LRRTM3: variants seen among roughly 807,000 people sequenced by gnomAD.
LRRTM3 encodes leucine rich repeat transmembrane neuronal 3, also known as leucine-rich repeat transmembrane neuronal protein 3.
In LRRTM3, 24 loss-of-function variants were observed where a neutral mutation model predicts 44.7. The observed-to-expected ratio is 0.54, with a 90% CI of 0.39 to 0.76. The LOEUF (loss-of-function observed/expected upper bound fraction) is 0.76, where lower values mean the gene tolerates loss of function less well. Ranked by LOEUF, LRRTM3 falls within the 30% of genes least tolerant of loss-of-function variation. LRRTM3 has a pLI of 0.00. For missense variants in LRRTM3, 587 were observed against 702.2 expected, an observed-to-expected ratio of 0.84 and a Z score of 1.85; for synonymous variants, 277 against 278.7, an observed-to-expected ratio of 0.99 and a Z score of 0.06.
chr10:67,090,912 C>A (rs1024651931), intron 2 of LRRTM3, among the ~76,000 whole-genome samples: 2 of 151,974 alleles, frequency 1.3e-5, no homozygotes, highest in African/African-American at 4.8e-5. Flanking sequence ...CACTATTTAT[C>A]TCATATAGCA....
Position 66,928,422 on chromosome 10 carries a change from C to T in LRRTM3, c.1506C>T (p.Thr502=). 1 of 1,611,068 alleles carries T rather than the reference C, an allele frequency of 6.2e-7. No individual in the cohort carries two copies. The highest frequency in any genetic ancestry group is 8.5e-7 in the Non-Finnish European group (1 of 1,179,050). ...TGCTGAATGGGACGGGACCCTGCAC[C>T]TATAACAAATCGGGCTCCAGGGAGT... ...EMLLNGTGPC[T]YNKSGSRECE... Residue 502 remains threonine, a synonymous_variant, in exon 2 of 3, where the codon ACC becomes ACT. Coordinates refer to ENST00000361320, the MANE Select transcript of LRRTM3 (RefSeq NM_178011.5).
chr10:67,094,878 C>T (rs1194580803), intron 2 of LRRTM3, among the ~76,000 whole-genome samples: 1 of 151,446 alleles, frequency 6.6e-6, no homozygotes, highest in Non-Finnish European at 1.5e-5. Context: ...GGTATGTATA[C>T]TATATTTACA....
intron 2 of LRRTM3, among the ~76,000 whole-genome samples, chr10:67,014,988 A>C (rs923403009): frequency 6.6e-6 from 1 of 152,122 alleles, no homozygotes; most frequent in Non-Finnish European, 1.5e-5. Flanking sequence ...ACTGAAATTC[A>C]GGTAAACGTT....
intron 2 of LRRTM3, among the ~76,000 whole-genome samples, chr10:66,947,265 G>A (rs1398649606): frequency 6.6e-6 from 1 of 152,054 alleles, no homozygotes; most frequent in Admixed American, 6.6e-5. Flanking sequence ...CTCTCTAATG[G>A]GGTATCTTGT....
chr10:66,974,904 T>C (rs1385147740), intron 2 of LRRTM3, among the ~76,000 whole-genome samples: 3 of 152,174 alleles, frequency 2.0e-5, no homozygotes. Flanking sequence ...TAATACATTT[T>C]TTTTAAGGAG....
intron 2 of LRRTM3, among the ~76,000 whole-genome samples, chr10:67,096,021 AT>A (rs1310139382): frequency 6.6e-6 from 1 of 151,768 alleles, no homozygotes; most frequent in African/African-American, 2.4e-5. Flanking sequence ...GATATCTTTC[AT>A]TCACGCATCA....
intron 2 of LRRTM3, among the ~76,000 whole-genome samples, chr10:66,965,195 C>T (rs149096889): frequency 3.3e-3 from 507 of 152,186 alleles, no homozygotes; most frequent in Middle Eastern, 0.014. Flanking sequence ...GTACTAGTCT[C>T]CTCCAGGTTG....
chr10:66,926,748 A>T (rs536712184), intron 1 of LRRTM3, among the ~76,000 whole-genome samples, 161 bp downstream of exon 1: 4 of 152,266 alleles, frequency 2.6e-5, no homozygotes, highest in African/African-American at 4.8e-5. Flanking sequence ...TTAACTATTT[A>T]AAAAAACAAA....
chr10:67,052,056 A>G (rs1855131703), intron 2 of LRRTM3, among the ~76,000 whole-genome samples: 1 of 152,138 alleles, frequency 6.6e-6, no homozygotes, highest in Non-Finnish European at 1.5e-5. Context: ...CGCCTGGCCT[A>G]ACCTACAAAT....
At chr10:66,978,960 C>CTTTTTTTT (rs34112681) in intron 2 of LRRTM3, among the ~76,000 whole-genome samples, 2 of 83,778 alleles carry the variant, frequency 2.4e-5, no homozygotes, top group African/African-American at 4.5e-5. Context: ...TACTTATTTC[C>CTTTTTTTT]TTTTTTTTTT....
chr10:67,017,740 T>C (rs1356856925), intron 2 of LRRTM3, among the ~76,000 whole-genome samples: 2 of 151,740 alleles, frequency 1.3e-5, no homozygotes, highest in Non-Finnish European at 2.9e-5. Context: ...TGTGTGTGTG[T>C]GTGTGTGTGT....
chr10:66,970,898 A>G (rs1032778103), intron 2 of LRRTM3, among the ~76,000 whole-genome samples: 2 of 152,132 alleles, frequency 1.3e-5, no homozygotes, highest in African/African-American at 2.4e-5. Flanking sequence ...AGAATTCTCA[A>G]TGTTCAAGCA....
chr10:67,019,405 A>G (rs1852853977), intron 2 of LRRTM3, among the ~76,000 whole-genome samples: 1 of 151,958 alleles, frequency 6.6e-6, no homozygotes, highest in Non-Finnish European at 1.5e-5. Flanking sequence ...TTTAGTAGAG[A>G]CAGGGTTTCT....
intron 2 of LRRTM3, among the ~76,000 whole-genome samples, chr10:67,036,400 C>A (rs576023808): frequency 6.6e-6 from 1 of 151,990 alleles, no homozygotes; most frequent in African/African-American, 2.4e-5. Flanking sequence ...TCCCAAGTAG[C>A]GACACCTGTA....
chr10:66,956,160 G>C lies in LRRTM3; in HGVS notation c.1536+27708G>C, dbSNP rs181886450. Among the ~76,000 whole-genome samples, 7 of 151,766 alleles carry C rather than the reference G, an allele frequency of 4.6e-5. No individual in the cohort carries two copies. The East Asian group carries it at 1.4e-3, about 29-fold the overall frequency. On this transcript the variant is annotated intron_variant, in intron 2 of 2. Coordinates refer to ENST00000361320, the MANE Select transcript of LRRTM3 (RefSeq NM_178011.5). ...GCCTTCATATTTCCTACATGTGGGG[G>C]CTGCATCTGCCCAAAGAGTTCCTCT...
intron 2 of LRRTM3, among the ~76,000 whole-genome samples, chr10:66,942,296 C>G (rs1231791229): frequency 6.6e-6 from 1 of 152,124 alleles, no homozygotes; most frequent in South Asian, 2.1e-4. Flanking sequence ...GTCCTTGACG[C>G]TTACCAATCA....
At chr10:66,951,531 G>A (rs866000722) in intron 2 of LRRTM3, among the ~76,000 whole-genome samples, 7 of 152,052 alleles carry the variant, frequency 4.6e-5, no homozygotes, top group African/African-American at 1.4e-4. Context: ...CTCATATTCC[G>A]GATAGGGAAA....
intron 1 of LRRTM3, 71 bp from the exon 2 acceptor site, chr10:66,926,850 C>A: frequency 7.8e-7 from 1 of 1,281,840 alleles, no homozygotes. Flanking sequence ...AAAATATATG[C>A]CTATTTTTGC....
chr10:67,032,154 G>GA (rs1456360900), intron 2 of LRRTM3, among the ~76,000 whole-genome samples: 2 of 152,054 alleles, frequency 1.3e-5, no homozygotes, highest in Non-Finnish European at 2.9e-5. Context: ...CTGAGGCCTA[G>GA]AAAAAATATA....
Sources: allele counts gnomAD v4.1 joint callset (sites outside exome capture counted in the v4.1 genomes callset), GRCh38; gene constraint gnomAD v4.1.1; transcripts MANE v1.5; gene names NCBI Gene and HGNC (gene_info 2026-07-23, HGNC 2026-07-21).